Variants in RBFOX3 observed in about 807,000 individuals in gnomAD.
The protein encoded by RBFOX3 is RNA binding fox-1 homolog 3, also known as RNA binding protein fox-1 homolog 3.
RBFOX3 carries 17 observed loss-of-function variants against 48.7 expected under a neutral mutation model. The ratio of observed to expected loss-of-function variants is 0.35; its 90% confidence interval spans 0.24 to 0.52. The LOEUF (loss-of-function observed/expected upper bound fraction) is 0.52. RBFOX3 is among the 20% of genes least tolerant of loss of function. The pLI is 0.94. For missense variants in RBFOX3, 382 were observed against 497.5 expected (o/e 0.77, Z 2.21); for synonymous variants, 212 against 209.5 (o/e 1.01, Z -0.10).
At chr17:79,328,095 T>C (rs2079612031) in intron 2 of RBFOX3, among the ~76,000 whole-genome samples, 1 of 151,918 alleles carries the variant, frequency 6.6e-6, no homozygotes, top group South Asian at 2.1e-4. Flanking sequence ...TGCTGAGCAG[T>C]GGAAAAGGTG....
chr17:79,092,088 C>A (rs1161974996), intron 14 of RBFOX3: 2 of 985,330 alleles, frequency 2.0e-6, no homozygotes, highest in Admixed American at 6.1e-5. Context: ...TGCCTGGAGC[C>A]CCTCCCTCCC....
At chr17:79,244,078 C>T (rs936675096) in intron 3 of RBFOX3, among the ~76,000 whole-genome samples, 1 of 152,200 alleles carries the variant, frequency 6.6e-6, no homozygotes, top group Non-Finnish European at 1.5e-5. Context: ...ATGGTGTCCC[C>T]AGAGTCCATG....
At chr17:79,531,737 T>G (rs1179122732) in intron 1 of RBFOX3, among the ~76,000 whole-genome samples, 1 of 152,262 alleles carries the variant, frequency 6.6e-6, no homozygotes, top group Non-Finnish European at 1.5e-5. Flanking sequence ...CCCCAGAACA[T>G]AAGCTCCCCG....
intron 4 of RBFOX3, among the ~76,000 whole-genome samples, chr17:79,208,156 G>A (rs541882623): frequency 6.6e-6 from 1 of 152,138 alleles, no homozygotes; most frequent in African/African-American, 2.4e-5. Context: ...ACAACCAAGC[G>A]GATACAGCAG....
chr17:79,637,716 C>T, the RBFOX3 span, among the ~76,000 whole-genome samples: 9 of 107,200 alleles, frequency 8.4e-5, no homozygotes, highest in African/African-American at 1.3e-4. Context: ...GGAAGGGGAG[C>T]GAAGGCGAAG....
At chr17:79,167,181 C>A (rs2048174401) in intron 4 of RBFOX3, among the ~76,000 whole-genome samples, 1 of 152,190 alleles carries the variant, frequency 6.6e-6, no homozygotes, top group Non-Finnish European at 1.5e-5. Context: ...AGGCTCAAGT[C>A]AGAGACTTCC....
chr17:79,652,425 G>A, the RBFOX3 span, among the ~76,000 whole-genome samples: 1 of 150,520 alleles, frequency 6.6e-6, no homozygotes, highest in Non-Finnish European at 1.5e-5. Flanking sequence ...CAGCTGGGGT[G>A]ACAAAGCAAG....
At chr17:79,592,096 C>T (rs1254015405) in intron 1 of RBFOX3, among the ~76,000 whole-genome samples, 1 of 147,414 alleles carries the variant, frequency 6.8e-6, no homozygotes, top group Non-Finnish European at 1.5e-5. Context: ...CATATGCATG[C>T]ATGTGTGTGT....
chr17:79,417,551 A>G lies in RBFOX3; in HGVS notation c.-175+64903T>C, dbSNP rs535445548. Among the ~76,000 whole-genome samples, 313 of 152,370 alleles carry G rather than the reference A, an allele frequency of 2.1e-3. 3 individuals are homozygous for G. Among genetic ancestry groups the G allele is most frequent in the African/African-American group, 7.4e-3 (307 of 41,592 alleles). ...CCCGACACCCATAAGGATGGCTGCT[A>G]TCAAAAGCACAGAAAATAACAAGGC... On this transcript the variant is annotated intron_variant, in intron 2 of 14. Transcript: ENST00000693108.
chr17:79,354,820 T>C (rs1447546394), intron 2 of RBFOX3, among the ~76,000 whole-genome samples: 1 of 152,252 alleles, frequency 6.6e-6, no homozygotes. Flanking sequence ...ATTATAACTA[T>C]TTTTAGTTCC....
intron 2 of RBFOX3, among the ~76,000 whole-genome samples, chr17:79,337,974 T>C (rs111725708): frequency 0.014 from 2,068 of 150,062 alleles, 41 homozygotes; most frequent in African/African-American, 0.048. Context: ...AGTCTCACAG[T>C]GTCACCCAGG....
chr17:79,135,253 G>A (rs2039919198), intron 4 of RBFOX3, among the ~76,000 whole-genome samples: 1 of 152,224 alleles, frequency 6.6e-6, no homozygotes, highest in Admixed American at 6.5e-5. Context: ...ACTGTAAAAT[G>A]GGACAGGCAA....
intron 3 of RBFOX3, among the ~76,000 whole-genome samples, chr17:79,246,122 G>A (rs575957000): frequency 6.6e-6 from 1 of 152,176 alleles, no homozygotes; most frequent in East Asian, 1.9e-4. Context: ...ACTTTTATCT[G>A]CTGACGTGCT....
chr17:79,620,430 T>G, the RBFOX3 span, among the ~76,000 whole-genome samples: 1 of 131,238 alleles, frequency 7.6e-6, no homozygotes, highest in African/African-American at 2.8e-5. Context: ...CACACGCACG[T>G]GCACACATGC....
rs1465042233 is a variant in RBFOX3 at position 79,451,943 on chromosome 17, C to G, written c.-175+30511G>C. Among the ~76,000 whole-genome samples the G allele has an allele frequency of 2.0e-5, 3 of 152,322 alleles. No homozygotes were observed. In the East Asian group the frequency reaches 5.8e-4, roughly 29 times the overall value. On this transcript the variant is annotated intron_variant, in intron 2 of 14. Transcript: ENST00000693108. The stretch of plus-strand genomic sequence containing the variant: ...GCATCCCTGCCACCCAGTACTGGCA[C>G]CCTCATCCACACAAATTACAGGGGG...
intron 1 of RBFOX3, among the ~76,000 whole-genome samples, chr17:79,609,106 G>C (rs1390164428): frequency 6.6e-6 from 1 of 152,204 alleles, no homozygotes; most frequent in Non-Finnish European, 1.5e-5. Context: ...TAATATCCCC[G>C]TGAACAACGC....
At chr17:79,281,788 T>TAA (rs2070593073) in intron 3 of RBFOX3, among the ~76,000 whole-genome samples, 1 of 152,142 alleles carries the variant, frequency 6.6e-6, no homozygotes, top group Non-Finnish European at 1.5e-5. Context: ...AGCCTTGAGG[T>TAA]TTTTTCTTCT....
chr17:79,282,921 A>G (rs2070926354), intron 3 of RBFOX3, among the ~76,000 whole-genome samples: 1 of 152,234 alleles, frequency 6.6e-6, no homozygotes. Flanking sequence ...GCATCTTTGA[A>G]GTGGTTCAGG....
intron 4 of RBFOX3, among the ~76,000 whole-genome samples, chr17:79,124,764 C>T (rs1010815138): frequency 6.6e-6 from 1 of 152,244 alleles, no homozygotes; most frequent in Non-Finnish European, 1.5e-5. Flanking sequence ...CTCCATGAAC[C>T]TGGCAGCCTG....
Sources: allele counts gnomAD v4.1 joint callset (sites outside exome capture counted in the v4.1 genomes callset), GRCh38; gene constraint gnomAD v4.1.1; transcripts MANE v1.5; gene names NCBI Gene and HGNC (gene_info 2026-07-23, HGNC 2026-07-21).